PRTG: variants seen among roughly 807,000 people sequenced by gnomAD.
PRTG encodes the protein protogenin, also known as immunoglobulin superfamily, DCC subclass, member 5.
PRTG carries 67 observed loss-of-function variants against 122.5 expected under a neutral mutation model. The ratio of observed to expected loss-of-function variants is 0.55; its 90% CI spans 0.45 to 0.67. The LOEUF (loss-of-function observed/expected upper bound fraction) is 0.67. PRTG is among the 30% of genes least tolerant of loss of function. The probability of loss-of-function intolerance (pLI) is 0.00; values close to 1 mark genes in which losing one functional copy is unlikely to be tolerated. For synonymous variants in PRTG, 554 were observed against 501.1 expected (o/e 1.11, Z -1.41); for missense variants, 1,435 against 1,415.4 (o/e 1.01, Z -0.22).
chr15:55,742,948 G>C lies in PRTG; in HGVS notation c.-17C>G. On this transcript the variant is annotated 5_prime_UTR_variant, in exon 1 of 20. Transcript: ENST00000389286. ...AGGCGCCATTCAGCGTAGCCGCGCG[G>C]GCATGCTCCCCGGCCGCCCAGAGCC... 6.7e-7 allele frequency: 1 copy of C among 1,501,940 alleles called. No individual in the cohort carries two copies. The highest frequency in any genetic ancestry group is 8.9e-7 in the Non-Finnish European group (1 of 1,125,566). 93.0% of individuals were successfully genotyped at this position (1,501,940 alleles called of 1,614,324 possible). A position where few individuals can be genotyped will look rare whatever the true frequency, so the allele number is the denominator to read the frequency against.
chr15:55,738,342 T>C (rs964912851), intron 2 of PRTG: 33 of 572,838 alleles, frequency 5.8e-5, no homozygotes, highest in Non-Finnish European at 9.2e-5. Flanking sequence ...ACATTTTATT[T>C]ATGAAGTTAG....
At chr15:55,698,105 C>G (rs2059641676) in intron 2 of PRTG, among the ~76,000 whole-genome samples, 1 of 152,140 alleles carries the variant, frequency 6.6e-6, no homozygotes, top group Admixed American at 6.6e-5. Context: ...ATCCCTCCTA[C>G]CAGCTCTGCG....
Position 55,713,834 on chromosome 15 carries a change from T to C in PRTG, c.397+26548A>G, listed in dbSNP as rs1009753325. On this transcript the variant is annotated intron_variant, in intron 2 of 19. Coordinates refer to ENST00000389286, the MANE Select transcript of PRTG (RefSeq NM_173814.6). ...TCATTTAGATTCGCTGCATGTCTATTACCCCAGCTTGTCTTGTTGCTACAT... is the reference window on the plus strand; with the variant it reads ...TCATTTAGATTCGCTGCATGTCTATCACCCCAGCTTGTCTTGTTGCTACAT... Among the ~76,000 whole-genome samples the C allele has an allele frequency of 6.6e-5, 10 of 152,204 alleles. No individual in the cohort carries two copies. The South Asian group carries it at 1.0e-3, about 16-fold the overall frequency.
intron 11 of PRTG, among the ~76,000 whole-genome samples, chr15:55,658,343 T>C (rs1030802206): frequency 1.3e-5 from 2 of 151,126 alleles, no homozygotes; most frequent in African/African-American, 4.9e-5. Flanking sequence ...TGAGATGAAG[T>C]CTTGCTCTGT....
At chr15:55,682,140 T>A (rs2059542036) in intron 4 of PRTG, among the ~76,000 whole-genome samples, 1 of 152,198 alleles carries the variant, frequency 6.6e-6, no homozygotes. Flanking sequence ...GAATATTTGT[T>A]AATCTTTCTT....
intron 2 of PRTG, among the ~76,000 whole-genome samples, chr15:55,686,613 T>C (rs1320765951): frequency 1.3e-5 from 2 of 152,164 alleles, no homozygotes; most frequent in Non-Finnish European, 2.9e-5. Context: ...TGGAGCCTCT[T>C]AGCTGGTATC....
intron 12 of PRTG, 49 bp from the exon 13 acceptor site, chr15:55,639,877 A>T (rs754458180): frequency 1.3e-6 from 2 of 1,596,492 alleles, no homozygotes; most frequent in Non-Finnish European, 1.7e-6. Context: ...ACATTTTAAC[A>T]TAGAAAGTGG....
intron 2 of PRTG, among the ~76,000 whole-genome samples, chr15:55,700,682 G>A (rs967853298): frequency 1.3e-5 from 2 of 152,100 alleles, no homozygotes; most frequent in African/African-American, 2.4e-5. Flanking sequence ...TTGGGAGGCC[G>A]GAGTAGGAGG....
At chr15:55,737,605 C>T (rs1468072683) in intron 2 of PRTG, among the ~76,000 whole-genome samples, 1 of 152,180 alleles carries the variant, frequency 6.6e-6, no homozygotes, top group East Asian at 1.9e-4. Flanking sequence ...GAATGAGGGT[C>T]ATCTGCTCTT....
chr15:55,665,876 T>A (rs988055760), intron 11 of PRTG, among the ~76,000 whole-genome samples: 5 of 152,180 alleles, frequency 3.3e-5, no homozygotes, highest in Non-Finnish European at 7.3e-5. Flanking sequence ...ATAAAATGTT[T>A]TAAAGAATAC....
chr15:55,706,881 T>C (rs1156495011), intron 2 of PRTG, among the ~76,000 whole-genome samples: 2 of 152,144 alleles, frequency 1.3e-5, no homozygotes, highest in Non-Finnish European at 2.9e-5. Context: ...CTACTTACAT[T>C]TTAATGCTTT....
intron 4 of PRTG, among the ~76,000 whole-genome samples, chr15:55,681,801 T>C (rs2059539798): frequency 6.6e-6 from 1 of 152,200 alleles, no homozygotes; most frequent in South Asian, 2.1e-4. Flanking sequence ...AACGGATGAC[T>C]GTTATTCTCT....
chr15:55,666,752 A>G (rs2059441432), intron 11 of PRTG, among the ~76,000 whole-genome samples: 1 of 152,216 alleles, frequency 6.6e-6, no homozygotes, highest in Non-Finnish European at 1.5e-5. Flanking sequence ...AATTTTAACA[A>G]CAAAAACAAC....
intron 11 of PRTG, among the ~76,000 whole-genome samples, chr15:55,657,448 T>C (rs1235048374): frequency 6.6e-6 from 1 of 152,174 alleles, no homozygotes; most frequent in Admixed American, 6.5e-5. Flanking sequence ...TATCTCTAGG[T>C]CAACCAAAAC....
intron 1 of PRTG, chr15:55,742,608 G>T (rs986378689): frequency 3.9e-6 from 2 of 508,532 alleles, no homozygotes; most frequent in African/African-American, 2.0e-5. Context: ...GCGTGCGCCC[G>T]GAGAAGCTCC....
At chr15:55,717,957 G>A (rs573217966) in intron 2 of PRTG, among the ~76,000 whole-genome samples, 1 of 152,190 alleles carries the variant, frequency 6.6e-6, no homozygotes, top group South Asian at 2.1e-4. Context: ...ACCTCCCTTT[G>A]GAGATCAATC....
chr15:55,664,179 T>C lies in PRTG; in HGVS notation c.2041+8266A>G, dbSNP rs181390982. 2.0e-5 allele frequency among the ~76,000 whole-genome samples: 3 copies of C among 152,252 alleles called. No homozygotes were observed. The East Asian group carries it at 5.8e-4, about 29-fold the overall frequency. On this transcript the variant is annotated intron_variant, in intron 11 of 19. Coordinates refer to ENST00000389286, the MANE Select transcript of PRTG (RefSeq NM_173814.6). ...GTTTTTTGAGATGGAGTTTCACTCGTTGCCCAGGCTGGGGTGCAATGGCGC... is the reference window on the plus strand; with the variant it reads ...GTTTTTTGAGATGGAGTTTCACTCGCTGCCCAGGCTGGGGTGCAATGGCGC...
chr15:55,676,416 C>A (rs955703397), intron 8 of PRTG, among the ~76,000 whole-genome samples: 2 of 152,122 alleles, frequency 1.3e-5, no homozygotes, highest in Non-Finnish European at 2.9e-5. Context: ...AGCCACTGTG[C>A]TTTGCTAACA....
At chr15:55,641,044 C>G (rs1170713885) in intron 12 of PRTG, 69 bp downstream of exon 12, 2 of 1,065,048 alleles carry the variant, frequency 1.9e-6, no homozygotes, top group African/African-American at 1.6e-5. Flanking sequence ...GAGACTGTAA[C>G]TTAAAGGAGG....
Sources: gnomAD v4.1 joint callset for allele counts (sites outside exome capture counted in the v4.1 genomes callset) on GRCh38, gnomAD v4.1.1 for gene constraint, MANE v1.5 for transcripts, NCBI Gene and HGNC (gene_info 2026-07-23, HGNC 2026-07-21) for gene names.